Variants in MAST4 observed in about 807,000 individuals in gnomAD.
The protein encoded by MAST4 is microtubule associated serine/threonine kinase family member 4.
In MAST4, 89 loss-of-function variants were observed where a neutral mutation model predicts 162.7. The observed-to-expected ratio is 0.55, with a 90% CI of 0.46 to 0.65. The LOEUF (loss-of-function observed/expected upper bound fraction) is 0.65, where lower values mean the gene tolerates loss of function less well. Ranked by LOEUF, MAST4 falls within the 30% of genes least tolerant of loss-of-function variation. The pLI is 0.00. For missense variants in MAST4, 3,153 were observed against 3,374.0 expected (o/e 0.93, Z 1.62); for synonymous variants, 1,479 against 1,361.1 (o/e 1.09, Z -1.91).
intron 4 of MAST4, among the ~76,000 whole-genome samples, chr5:67,003,151 CA>C (rs1258833809): frequency 6.6e-6 from 1 of 151,846 alleles, no homozygotes; most frequent in Non-Finnish European, 1.5e-5. Flanking sequence ...GAGCATGGGG[CA>C]AAAATGCTGG....
At chr5:67,028,393 G>A (rs1050649624) in intron 4 of MAST4, among the ~76,000 whole-genome samples, 2 of 152,122 alleles carry the variant, frequency 1.3e-5, no homozygotes, top group Non-Finnish European at 2.9e-5. Context: ...TTTTGTACAG[G>A]ACAATAAGAT....
intron 25 of MAST4, 126 bp from the exon 26 acceptor site, chr5:67,153,332 C>G (rs1259638238): frequency 1.7e-5 from 16 of 949,492 alleles, no homozygotes; most frequent in Non-Finnish European, 2.2e-5. Context: ...AGTAAACGTA[C>G]CTGTTAGATT....
chr5:67,166,898 T>C lies in MAST4; in HGVS notation c.7719T>C (p.Ala2573=), dbSNP rs1287376336. Residue 2573 remains alanine, a synonymous_variant, in exon 29 of 29, where the codon GCT becomes GCC. Transcript: ENST00000403625. ...CTGCCCCAGCCCAGCCTCCCCCAGC[T>C]AGGAAACAGAACGTGGGCAGAGACG... ...KDPAPAQPPP[A]RKQNVGRDVT... is the part of the protein sequence containing the mutation. 2 of 1,610,468 alleles carry C rather than the reference T, an allele frequency of 1.2e-6. No individual in the cohort carries two copies.
intron 3 of MAST4, among the ~76,000 whole-genome samples, chr5:66,834,963 A>G (rs568446582): frequency 6.6e-6 from 1 of 152,284 alleles, no homozygotes; most frequent in Admixed American, 6.5e-5. Flanking sequence ...GGAATAGCCC[A>G]GGAGACCTCT....
At chr5:66,735,666 T>A (rs1044871814) in intron 1 of MAST4, among the ~76,000 whole-genome samples, 2 of 152,214 alleles carry the variant, frequency 1.3e-5, no homozygotes, top group East Asian at 1.9e-4. Flanking sequence ...GTGAATATGT[T>A]TTTATATGTA....
At chr5:67,041,453 A>G (rs1756732004) in intron 4 of MAST4, among the ~76,000 whole-genome samples, 1 of 152,240 alleles carries the variant, frequency 6.6e-6, no homozygotes, top group Non-Finnish European at 1.5e-5. Context: ...GAGAGAATGT[A>G]TACCAGGGAT....
intron 3 of MAST4, among the ~76,000 whole-genome samples, chr5:66,876,553 G>C (rs978760565): frequency 2.0e-5 from 3 of 152,138 alleles, no homozygotes; most frequent in Non-Finnish European, 2.9e-5. Flanking sequence ...GGAAAATCTT[G>C]TATCAGTACA....
intron 1 of MAST4, among the ~76,000 whole-genome samples, chr5:66,613,322 C>CTTT (rs67203546): frequency 2.1e-5 from 3 of 141,840 alleles, no homozygotes; most frequent in African/African-American, 7.8e-5. Context: ...TCAGATAACC[C>CTTT]TTTTTTTTTT....
At chr5:66,676,268 A>G (rs1168308766) in intron 1 of MAST4, among the ~76,000 whole-genome samples, 3 of 152,198 alleles carry the variant, frequency 2.0e-5, no homozygotes, top group East Asian at 3.9e-4. Context: ...AGTGGATGTC[A>G]GTTGCAAAGA....
chr5:66,844,970 C>A (rs746032781), intron 3 of MAST4, among the ~76,000 whole-genome samples: 9 of 150,948 alleles, frequency 6.0e-5, no homozygotes, highest in Non-Finnish European at 1.0e-4. Context: ...GTGTCATTAT[C>A]TTATGGGTGC....
At chr5:66,737,344 C>T (rs1752214157) in intron 1 of MAST4, among the ~76,000 whole-genome samples, 1 of 152,088 alleles carries the variant, frequency 6.6e-6, no homozygotes, top group Non-Finnish European at 1.5e-5. Context: ...TTGTCCTCAT[C>T]AATGAGAGAA....
At chr5:66,753,419 A>G (rs1328739473) in intron 1 of MAST4, among the ~76,000 whole-genome samples, 1 of 151,700 alleles carries the variant, frequency 6.6e-6, no homozygotes, top group Non-Finnish European at 1.5e-5. Flanking sequence ...CTAATAAAGA[A>G]AAAAAGAGAG....
chr5:66,971,737 T>C (rs1312773897), intron 4 of MAST4, among the ~76,000 whole-genome samples: 1 of 152,242 alleles, frequency 6.6e-6, no homozygotes, highest in East Asian at 1.9e-4. Context: ...TTTACTTTGC[T>C]GTGTGTGGGT....
intron 1 of MAST4, among the ~76,000 whole-genome samples, chr5:66,609,646 C>T (rs1743150046): frequency 6.6e-6 from 1 of 151,198 alleles, no homozygotes; most frequent in Non-Finnish European, 1.5e-5. Context: ...CCTAGCCTCC[C>T]AAAGTGCAGG....
At chr5:66,812,619 G>A (rs1756533024) in intron 3 of MAST4, among the ~76,000 whole-genome samples, 1 of 152,202 alleles carries the variant, frequency 6.6e-6, no homozygotes, top group Admixed American at 6.5e-5. Flanking sequence ...GTGTGAAGTG[G>A]GTCAGACGGT....
At chr5:66,666,639 T>G (rs1354281977) in intron 1 of MAST4, among the ~76,000 whole-genome samples, 1 of 152,190 alleles carries the variant, frequency 6.6e-6, no homozygotes, top group East Asian at 1.9e-4. Context: ...TGAAACCACT[T>G]TGGTGTCTCT....
intron 4 of MAST4, among the ~76,000 whole-genome samples, chr5:67,015,673 A>T (rs116251461): frequency 1.2e-3 from 188 of 152,266 alleles, no homozygotes; most frequent in Middle Eastern, 3.4e-3. Flanking sequence ...TTGGCTGCCT[A>T]AAGAGGAGCA....
At chr5:66,599,899 AATTG>A (rs1413482947) in intron 1 of MAST4, among the ~76,000 whole-genome samples, 4 of 148,810 alleles carry the variant, frequency 2.7e-5, no homozygotes, top group Non-Finnish European at 5.9e-5. Flanking sequence ...TAGCTTGGGA[AATTG>A]ATTATTTCTA....
At chr5:66,651,153 G>A (rs1326200142) in intron 1 of MAST4, among the ~76,000 whole-genome samples, 1 of 151,964 alleles carries the variant, frequency 6.6e-6, no homozygotes, top group East Asian at 1.9e-4. Context: ...ATGGCTATAA[G>A]TTCTGTTAGC....
Sources: allele counts gnomAD v4.1 joint callset (sites outside exome capture counted in the v4.1 genomes callset), GRCh38; gene constraint gnomAD v4.1.1; transcripts MANE v1.5; gene names NCBI Gene and HGNC (gene_info 2026-07-23, HGNC 2026-07-21).